ABCA12: variants seen among roughly 807,000 people sequenced by gnomAD.
ABCA12 encodes the protein glucosylceramide transporter ABCA12.
ABCA12 carries 156 observed loss-of-function variants against 293.5 expected under a neutral mutation model. The observed-to-expected ratio is 0.53, with a 90% CI of 0.47 to 0.61. ABCA12 has a LOEUF of 0.61. Ranked by LOEUF, ABCA12 falls within the 20% of genes least tolerant of loss-of-function variation. The pLI is 0.00. For missense variants in ABCA12, 2,797 were observed against 3,090.2 expected (o/e 0.91, Z 2.25); for synonymous variants, 1,063 against 1,108.0 (o/e 0.96, Z 0.81).
chr2:215,137,135 A>G (rs1220672400), intron 1 of ABCA12, among the ~76,000 whole-genome samples: 2 of 152,124 alleles, frequency 1.3e-5, no homozygotes, highest in African/African-American at 2.4e-5. Flanking sequence ...TTAGAATTTT[A>G]AAACCCTACC....
chr2:215,081,354 T>C (rs998932358), intron 2 of ABCA12, among the ~76,000 whole-genome samples: 2 of 151,102 alleles, frequency 1.3e-5, no homozygotes, highest in African/African-American at 4.9e-5. Flanking sequence ...GGTGCACGCC[T>C]GTAGTCCCAG....
intron 39 of ABCA12, among the ~76,000 whole-genome samples, chr2:214,965,811 G>A (rs1469565863): frequency 6.6e-6 from 1 of 152,158 alleles, no homozygotes; most frequent in Non-Finnish European, 1.5e-5. Flanking sequence ...TTCAACCATT[G>A]TGGAAGACAG....
intron 4 of ABCA12, among the ~76,000 whole-genome samples, chr2:215,053,360 G>T (rs16853253): frequency 0.059 from 9,038 of 152,158 alleles, 894 homozygotes; most frequent in African/African-American, 0.2. Context: ...CTCATCAGCA[G>T]TAGGGCCTAG....
At position 215,134,577 on chromosome 2, in the gene ABCA12, ATCTCTCTCTC is replaced by A. The variant is rs370388681; in HGVS notation, c.69+3553_69+3562del. Among the ~76,000 whole-genome samples the A allele has an allele frequency of 4.6e-3, 350 of 76,856 alleles. 37 individuals carry two copies. The highest frequency in any genetic ancestry group is 0.022 in the African/African-American group (313 of 14,062). 50.4% of individuals were successfully genotyped at this position (76,856 alleles called of 152,430 possible). A position where few individuals can be genotyped will look rare whatever the true frequency, so the allele number is the denominator to read the frequency against. On this transcript the variant is annotated intron_variant, in intron 1 of 52. Transcript: ENST00000272895. ...ATGTATATATGTGTGTATATATATA[ATCTCTCTCTC>A]TCTCTCTCTCTCTATATATATATAT...
intron 22 of ABCA12, 124 bp downstream of exon 22, chr2:215,000,581 C>T: frequency 9.1e-7 from 1 of 1,099,458 alleles, no homozygotes. Context: ...TTTCTCAAAA[C>T]AAGCATATTA....
intron 32 of ABCA12, 103 bp downstream of exon 32, chr2:214,978,701 G>C (rs1699578240): frequency 7.6e-7 from 1 of 1,310,500 alleles, no homozygotes; most frequent in African/African-American, 1.5e-5. Context: ...TTCTAATTTT[G>C]TGAACTATTT....
At chr2:214,954,376 C>A (rs1458538483) in intron 43 of ABCA12, among the ~76,000 whole-genome samples, 1 of 152,108 alleles carries the variant, frequency 6.6e-6, no homozygotes, top group Non-Finnish European at 1.5e-5. Flanking sequence ...CTAGACCTAC[C>A]TTTAATCCCA....
chr2:215,130,011 G>C (rs59371265), intron 1 of ABCA12, among the ~76,000 whole-genome samples: 7,261 of 152,032 alleles, frequency 0.048, 571 homozygotes, highest in African/African-American at 0.17. Context: ...ATTTTTGTTA[G>C]CCTTATTGAA....
chr2:214,992,290 A>C (rs1298355440), intron 23 of ABCA12, among the ~76,000 whole-genome samples: 1 of 151,608 alleles, frequency 6.6e-6, no homozygotes, highest in African/African-American at 2.4e-5. Flanking sequence ...AAAATACAGA[A>C]AAATTAGCCA....
chr2:215,072,329 A>G (rs541023642), intron 2 of ABCA12, among the ~76,000 whole-genome samples: 2 of 152,224 alleles, frequency 1.3e-5, no homozygotes, highest in African/African-American at 4.8e-5. Context: ...CATTTTTTGT[A>G]CCTTGAGACT....
intron 40 of ABCA12, 69 bp from the exon 41 acceptor site, chr2:214,958,523 C>T (rs1402502955): frequency 1.3e-6 from 2 of 1,525,692 alleles, no homozygotes; most frequent in Non-Finnish European, 1.8e-6. Flanking sequence ...CAGAAAGATT[C>T]ATAACTAAAA....
chr2:215,066,639 A>C (rs980034686), intron 2 of ABCA12, among the ~76,000 whole-genome samples: 2 of 152,156 alleles, frequency 1.3e-5, no homozygotes, highest in Non-Finnish European at 2.9e-5. Context: ...TTCTTTAAAA[A>C]TAAACTCCCA....
rs866662919 is a variant in ABCA12, at chr2:215,049,728, G to T, written c.591C>A (p.Phe197Leu). Reference protein sequence around the residue: ...SYSGYIVDDAFSWTFLGRNVF... With the variant: ...SYSGYIVDDALSWTFLGRNVF... ...CATTTCTTCCTAGAAAGGTCCAAGA[G>T]AAGGCATCATCCACAATGTATCCTG... is the stretch of plus-strand genomic sequence containing the variant. The change falls in exon 6 of 53, where the codon TTC becomes TTA. Residue 197 changes from phenylalanine to leucine, a missense_variant. Physicochemically the swap from Phe to Leu is conservative, Grantham distance 22. Around this residue, in one of 3 missense-constraint regions of ABCA12, gnomAD observed 656 missense variants for 638.2 expected, o/e 1.03. Coordinates refer to ENST00000272895, the MANE Select transcript of ABCA12 (RefSeq NM_173076.3). The T allele has an allele frequency of 6.2e-7, 1 of 1,613,690 alleles. No homozygotes were observed. Among genetic ancestry groups the T allele is most frequent in the South Asian group, 1.1e-5 (1 of 91,078 alleles).
Position 214,956,672 on chromosome 2 carries a change from A to G in ABCA12, c.6224T>C (p.Leu2075Pro). ...NNLGAVSLLL[L>P]LFGYATFSWM... is the part of the protein sequence containing the mutation. ...TTAATCAGCAGCTTACCCAAACAGGAGAAGTAGGAGAGATACAGCGCCTAG... is the reference window on the plus strand; with the variant it reads ...TTAATCAGCAGCTTACCCAAACAGGGGAAGTAGGAGAGATACAGCGCCTAG... Residue 2075 changes from leucine (L) to proline (P), a missense_variant, in exon 42 of 53, where the codon CTC (leucine) becomes CCC (proline). This residue lies in a region of ABCA12 where 2,130 missense variants were observed against 2,427.0 expected (regional missense o/e 0.88). Transcript: ENST00000272895. The G allele has an allele frequency of 2.5e-6, 4 of 1,611,970 alleles. No individual in the cohort carries two copies. The highest frequency in any genetic ancestry group is 3.4e-6 in the Non-Finnish European group (4 of 1,178,244).
At chr2:215,064,919 A>G (rs1701612107) in intron 2 of ABCA12, among the ~76,000 whole-genome samples, 1 of 151,994 alleles carries the variant, frequency 6.6e-6, no homozygotes, top group East Asian at 1.9e-4. Flanking sequence ...AAAAACCAGG[A>G]GCTATTTTTG....
intron 19 of ABCA12, among the ~76,000 whole-genome samples, chr2:215,005,369 A>T (rs959280876): frequency 7.9e-5 from 12 of 152,240 alleles, no homozygotes; most frequent in African/African-American, 2.9e-4. Flanking sequence ...GGTACAACAT[A>T]GTCTCATGTC....
At chr2:214,936,863 A>AAT (rs1343514345) in intron 51 of ABCA12, among the ~76,000 whole-genome samples, 2 of 152,072 alleles carry the variant, frequency 1.3e-5, no homozygotes, top group Non-Finnish European at 2.9e-5. Flanking sequence ...TCAGTTCCCT[A>AAT]ATATATATAA....
At chr2:215,052,407 T>C (rs1159903651) in intron 5 of ABCA12, 80 bp downstream of exon 5, 4 of 1,188,222 alleles carry the variant, frequency 3.4e-6, no homozygotes, top group Non-Finnish European at 5.0e-6. Context: ...CCAAACATCT[T>C]GCTATTTGAG....
chr2:214,939,037 CTG>C (rs758258387), intron 50 of ABCA12, among the ~76,000 whole-genome samples: 3 of 152,166 alleles, frequency 2.0e-5, no homozygotes, highest in African/African-American at 2.4e-5. Context: ...TTGCCCACGC[CTG>C]TGTCTTGAAT....
Sources: allele counts gnomAD v4.1 joint callset (sites outside exome capture counted in the v4.1 genomes callset), GRCh38; gene constraint gnomAD v4.1.1; regional missense constraint gnomAD v4.1.1; transcripts MANE v1.5; gene names NCBI Gene and HGNC (gene_info 2026-07-23, HGNC 2026-07-21).